HIVEP3: variants seen among roughly 807,000 people sequenced by gnomAD.
HIVEP3 encodes HIVEP zinc finger 3, also known as transcription factor HIVEP3.
Under a neutral mutation model 152.8 loss-of-function variants are expected in HIVEP3, and 49 were observed. That is an observed-to-expected ratio of 0.32 (90% CI 0.26 to 0.41). The LOEUF is 0.41. Among genes scored for constraint, HIVEP3 ranks in the 10% least tolerant of loss-of-function variants. The pLI is 1.00. For synonymous variants in HIVEP3, 1,269 were observed against 1,289.0 expected, an observed-to-expected ratio of 0.98 and a Z score of 0.33; for missense variants, 2,790 against 3,103.3, an observed-to-expected ratio of 0.90 and a Z score of 2.40.
intron 1 of HIVEP3, among the ~76,000 whole-genome samples, chr1:41,870,757 G>T (rs561975936): frequency 6.6e-6 from 1 of 152,214 alleles, no homozygotes; most frequent in African/African-American, 2.4e-5. Context: ...GACAGAACCT[G>T]CAGGTGTTAT....
chr1:41,730,068 C>T (rs1646815241), intron 1 of HIVEP3, among the ~76,000 whole-genome samples: 2 of 152,210 alleles, frequency 1.3e-5, no homozygotes, highest in African/African-American at 2.4e-5. Context: ...CCTTAGGAAA[C>T]GTGACTGCAG....
At chr1:41,596,166 C>T (rs1644663024) in intron 3 of HIVEP3, among the ~76,000 whole-genome samples, 1 of 152,100 alleles carries the variant, frequency 6.6e-6, no homozygotes, top group East Asian at 1.9e-4. Context: ...AGATAAAGTC[C>T]CAAACTGTGA....
In HIVEP3 at chr1:41,746,701, A is replaced by G. The variant is rs142373363; in HGVS notation, c.-800-45706T>C. On this transcript the variant is annotated intron_variant, in intron 1 of 8. Transcript: ENST00000372583. ...GCTAAGCCAAACTGCCCAGGTCTGCAGCAGACACTGTTGGAGCTTGGCCCC... is the reference window on the plus strand; with the variant it reads ...GCTAAGCCAAACTGCCCAGGTCTGCGGCAGACACTGTTGGAGCTTGGCCCC... Among the ~76,000 whole-genome samples the G allele has an allele frequency of 5.4e-3, 828 of 152,322 alleles. 4 individuals are homozygous for G. Among genetic ancestry groups the G allele is most frequent in the African/African-American group, 0.017 (711 of 41,568 alleles).
chr1:41,581,235 G>A lies in HIVEP3; in HGVS notation c.3563C>T (p.Ala1188Val). 1 of 1,582,922 alleles carries A rather than the reference G, an allele frequency of 6.3e-7. No individual in the cohort carries two copies. Residue 1188 changes from alanine to valine, a missense_variant, in exon 4 of 9, where the codon GCC becomes GTC. Transcript: ENST00000372583. This position sits in a 1 kb window ranked among gnomAD's most constrained non-coding sequence, Gnocchi z 4.5. ...AGTAGGCTGGAGAGGAAGCGGTGGGGCTTGAAATAAGGAGGGAGGAAGTGG... is the reference window on the plus strand; with the variant it reads ...AGTAGGCTGGAGAGGAAGCGGTGGGACTTGAAATAAGGAGGGAGGAAGTGG... ...MPPLPPSLFQ[A>V]PPLPLQPTVL...
chr1:41,679,642 AC>A (rs1646009163), intron 2 of HIVEP3, among the ~76,000 whole-genome samples: 1 of 152,190 alleles, frequency 6.6e-6, no homozygotes, highest in Non-Finnish European at 1.5e-5. Flanking sequence ...CACCATGTAG[AC>A]CAGCAGTGTC....
chr1:41,918,614 G>T lies in HIVEP3; in HGVS notation c.-1002C>A, dbSNP rs1189100050. 1.3e-5 allele frequency: 2 copies of T among 152,154 alleles called. No individual in the cohort carries two copies. The highest frequency in any genetic ancestry group is 4.8e-5 in the African/African-American group (2 of 41,412). 9.4% of individuals were successfully genotyped at this position (152,154 alleles called of 1,614,324 possible). ...CGTATGTCCATCCAGGCATGCATGC[G>T]TGTTTGTATACACACATATGCACAC... On this transcript the variant is annotated 5_prime_UTR_variant, in exon 1 of 9. Coordinates refer to ENST00000372583, the MANE Select transcript of HIVEP3 (RefSeq NM_024503.5). This position sits in a 1 kb window ranked among gnomAD's most constrained non-coding sequence, Gnocchi z 4.3.
intron 2 of HIVEP3, among the ~76,000 whole-genome samples, chr1:41,645,363 T>G (rs1645443261): frequency 6.6e-6 from 1 of 152,174 alleles, no homozygotes; most frequent in Non-Finnish European, 1.5e-5. Context: ...GGAAGTAGGG[T>G]TGCAATTCTA....
intron 5 of HIVEP3, among the ~76,000 whole-genome samples, chr1:41,566,519 C>T (rs1234933759): frequency 1.3e-5 from 2 of 152,210 alleles, no homozygotes; most frequent in East Asian, 1.9e-4. Context: ...CCAGCTCACA[C>T]TCCCTCCAGG....
chr1:41,652,367 A>C (rs368059220), intron 2 of HIVEP3, among the ~76,000 whole-genome samples: 2 of 152,218 alleles, frequency 1.3e-5, no homozygotes, highest in African/African-American at 4.8e-5. Flanking sequence ...TAAGAAACTG[A>C]AGTCCAGTTT....
At chr1:41,909,497 C>G (rs929116304) in intron 1 of HIVEP3, among the ~76,000 whole-genome samples, 2 of 151,928 alleles carry the variant, frequency 1.3e-5, no homozygotes, top group Non-Finnish European at 2.9e-5. Flanking sequence ...ACTGACAGAC[C>G]ATAAGAAGAA....
chr1:41,776,794 G>C (rs1032803179), intron 1 of HIVEP3, among the ~76,000 whole-genome samples: 1 of 152,192 alleles, frequency 6.6e-6, no homozygotes, highest in African/African-American at 2.4e-5. Flanking sequence ...CATCTTTCTG[G>C]AAACCCCTTC....
rs6686977 is a variant in HIVEP3 at position 41,970,410 on chromosome 1, C to T, written n.120-51886G>A. Among the ~76,000 whole-genome samples the T allele has an allele frequency of 4.5e-3, 686 of 152,230 alleles. 5 individuals carry two copies. The highest frequency in any genetic ancestry group is 0.016 in the African/African-American group (667 of 41,540). On this transcript the variant is annotated intron_variant and non_coding_transcript_variant, in intron 1 of 3. Coordinates refer to the HIVEP3 transcript ENST00000489103. ...CATGGATGTGGATGGAGCTGGAAGC[C>T]ATTATCCTCAGCAAACTAATGCAGG...
intron 1 of HIVEP3, among the ~76,000 whole-genome samples, chr1:41,809,688 G>C (rs1166392070): frequency 6.6e-6 from 1 of 152,194 alleles, no homozygotes; most frequent in African/African-American, 2.4e-5. Flanking sequence ...CCCTTAATCA[G>C]AATTGTCCCA....
chr1:41,803,228 C>T (rs1157763055), intron 1 of HIVEP3, among the ~76,000 whole-genome samples: 1 of 152,220 alleles, frequency 6.6e-6, no homozygotes, highest in Non-Finnish European at 1.5e-5. Context: ...TGGGGCAGCT[C>T]AGCTTTCTCA....
At chr1:41,849,397 C>A (rs1201907232) in intron 1 of HIVEP3, among the ~76,000 whole-genome samples, 2 of 152,204 alleles carry the variant, frequency 1.3e-5, no homozygotes, top group Non-Finnish European at 2.9e-5. Context: ...ACATCAGTCT[C>A]CCCAGAAGCA....
At chr1:41,886,766 T>C (rs947304577) in intron 1 of HIVEP3, among the ~76,000 whole-genome samples, 10 of 138,368 alleles carry the variant, frequency 7.2e-5, no homozygotes, top group Non-Finnish European at 1.6e-4. Flanking sequence ...AAAAGAACTA[T>C]ACAGAGCCAG....
chr1:41,639,881 C>A (rs1277935315), intron 2 of HIVEP3, among the ~76,000 whole-genome samples: 6 of 152,172 alleles, frequency 3.9e-5, no homozygotes. Context: ...GGCAGAGAGA[C>A]AGGCAATGGA....
rs561495088 is a variant in HIVEP3 at position 41,713,296 on chromosome 1, A to G, written c.-800-12301T>C. 1.6e-4 allele frequency among the ~76,000 whole-genome samples: 24 copies of G among 152,272 alleles called. No homozygotes were observed. The East Asian group carries it at 4.6e-3, about 29-fold the overall frequency. On this transcript the variant is annotated intron_variant, in intron 1 of 8. Transcript: ENST00000372583. ...TTCTGGGTCTGCTCTTTGTCCCTGA[A>G]TAGGACTGCCAACTCTCAGAGAGCA... is the stretch of plus-strand genomic sequence containing the variant.
intron 3 of HIVEP3, among the ~76,000 whole-genome samples, chr1:41,611,837 G>A (rs1036065573): frequency 1.9e-4 from 29 of 152,166 alleles, no homozygotes; most frequent in African/African-American, 6.3e-4. Context: ...GACCTTTCCC[G>A]CCCTGACATT....
Sources: gnomAD v4.1 joint callset for allele counts (sites outside exome capture counted in the v4.1 genomes callset) on GRCh38, gnomAD v4.1.1 for gene constraint, Gnocchi (gnomAD v3.1) non-coding constraint, MANE v1.5 for transcripts, NCBI Gene and HGNC (gene_info 2026-07-23, HGNC 2026-07-21) for gene names.